Variants in TMC1 observed in about 807,000 individuals in gnomAD.
TMC1 encodes transmembrane channel-like protein 1.
TMC1 carries 84 observed loss-of-function variants against 105.8 expected under a neutral mutation model. The observed-to-expected ratio is 0.79, with a 90% CI of 0.67 to 0.95. The LOEUF is 0.95. Ranked by LOEUF, TMC1 falls within the 40% of genes least tolerant of loss-of-function variation. TMC1 has a pLI of 0.00. For synonymous variants in TMC1, 315 were observed against 311.5 expected, an observed-to-expected ratio of 1.01 and a Z score of -0.12; for missense variants, 817 against 914.1, an observed-to-expected ratio of 0.89 and a Z score of 1.37.
At chr9:72,586,186 A>G (rs1339468141) in intron 2 of TMC1, among the ~76,000 whole-genome samples, 2 of 152,306 alleles carry the variant, frequency 1.3e-5, no homozygotes, top group East Asian at 3.9e-4. Flanking sequence ...AGGCCCACAC[A>G]GTAGGGCTTG....
chr9:72,579,538 C>T (rs1404602621), intron 2 of TMC1, among the ~76,000 whole-genome samples: 1 of 152,214 alleles, frequency 6.6e-6, no homozygotes, highest in Non-Finnish European at 1.5e-5. Context: ...AGCTTCTAGA[C>T]ACACAGCCCC....
At chr9:72,784,698 G>T (rs116988142) in intron 13 of TMC1, among the ~76,000 whole-genome samples, 2 of 152,210 alleles carry the variant, frequency 1.3e-5, no homozygotes, top group East Asian at 1.9e-4. Flanking sequence ...CTAGATGTCC[G>T]TCAACAGTGT....
chr9:72,584,789 T>G (rs1457528449), intron 2 of TMC1, among the ~76,000 whole-genome samples: 1 of 144,156 alleles, frequency 6.9e-6, no homozygotes, highest in Admixed American at 6.9e-5. Context: ...CTTTTCTTTT[T>G]TTTTTTTTTT....
intron 2 of TMC1, among the ~76,000 whole-genome samples, chr9:72,589,483 A>G (rs750476496): frequency 1.3e-5 from 2 of 152,204 alleles, no homozygotes; most frequent in Non-Finnish European, 2.9e-5. Flanking sequence ...TGATAGCTTA[A>G]GTTTCATCTC....
chr9:72,724,315 A>G (rs998211708), intron 8 of TMC1, among the ~76,000 whole-genome samples: 4 of 152,208 alleles, frequency 2.6e-5, no homozygotes, highest in African/African-American at 4.8e-5. Context: ...ATGGTGAGCA[A>G]GGACGAGAGA....
chr9:72,782,866 A>C (rs1828114890), intron 13 of TMC1, among the ~76,000 whole-genome samples: 1 of 152,200 alleles, frequency 6.6e-6, no homozygotes, highest in South Asian at 2.1e-4. Context: ...ATATTACCCA[A>C]AACACTTTAC....
At chr9:72,749,160 G>A (rs531389927) in intron 10 of TMC1, among the ~76,000 whole-genome samples, 4 of 152,164 alleles carry the variant, frequency 2.6e-5, no homozygotes, top group Non-Finnish European at 4.4e-5. Flanking sequence ...TACCCTACAC[G>A]CAAGAAATTC....
chr9:72,541,436 C>T (rs771729602), intron 1 of TMC1, among the ~76,000 whole-genome samples: 10 of 151,966 alleles, frequency 6.6e-5, no homozygotes, highest in Admixed American at 1.3e-4. Flanking sequence ...GCCTATAATC[C>T]GAGCACTTTG....
intron 13 of TMC1, among the ~76,000 whole-genome samples, chr9:72,783,152 A>G (rs1828119221): frequency 6.6e-6 from 1 of 152,012 alleles, no homozygotes; most frequent in South Asian, 2.1e-4. Context: ...AACTAATAGG[A>G]GATATATATA....
intron 5 of TMC1, among the ~76,000 whole-genome samples, chr9:72,682,090 C>G (rs1209581461): frequency 6.6e-6 from 1 of 152,086 alleles, no homozygotes; most frequent in South Asian, 2.1e-4. Context: ...CTATTATTCT[C>G]CTTGTAATTT....
intron 19 of TMC1, among the ~76,000 whole-genome samples, chr9:72,817,919 A>G (rs1350297623): frequency 6.6e-6 from 1 of 152,124 alleles, no homozygotes; most frequent in African/African-American, 2.4e-5. Context: ...GAGTTTTTTG[A>G]GCATACAAAG....
At chr9:72,647,712 A>G (rs962832283) in intron 4 of TMC1, among the ~76,000 whole-genome samples, 4 of 151,810 alleles carry the variant, frequency 2.6e-5, no homozygotes, top group Middle Eastern at 6.4e-3. Flanking sequence ...GAAGGGTCAT[A>G]TATGTGCACA....
chr9:72,767,281 G>A (rs557668771), intron 12 of TMC1, among the ~76,000 whole-genome samples: 4 of 152,162 alleles, frequency 2.6e-5, no homozygotes, highest in African/African-American at 7.2e-5. Context: ...CAAAATAATG[G>A]TCTGGCAGCT....
chr9:72,586,142 T>C (rs187491496), intron 2 of TMC1, among the ~76,000 whole-genome samples: 11 of 152,268 alleles, frequency 7.2e-5, no homozygotes, highest in Non-Finnish European at 1.5e-4. Flanking sequence ...TGGTTCTAAT[T>C]AGTGCTTAAT....
At chr9:72,722,434 C>T (rs574399180) in intron 8 of TMC1, among the ~76,000 whole-genome samples, 17 of 152,222 alleles carry the variant, frequency 1.1e-4, no homozygotes, top group African/African-American at 3.4e-4. Flanking sequence ...CTTTATCTCC[C>T]GTTTGAGCCT....
At chr9:72,754,700 G>A (rs1018543773) in intron 11 of TMC1, 86 bp from the exon 12 acceptor site, 1 of 1,047,100 alleles carries the variant, frequency 9.6e-7, no homozygotes, top group Admixed American at 1.9e-5. Flanking sequence ...TTTCAGAAGG[G>A]CTTTTAAACA....
intron 6 of TMC1, among the ~76,000 whole-genome samples, chr9:72,689,644 T>C (rs1453514650): frequency 6.6e-6 from 1 of 152,158 alleles, no homozygotes; most frequent in African/African-American, 2.4e-5. Context: ...TATATACTTA[T>C]AATTGTGATA....
At chr9:72,754,196 A>C (rs933170238) in intron 11 of TMC1, among the ~76,000 whole-genome samples, 3 of 152,102 alleles carry the variant, frequency 2.0e-5, no homozygotes, top group African/African-American at 7.2e-5. Flanking sequence ...CACTCTTCCC[A>C]GTACTATTCT....
chr9:72,742,523 AAAGT>A lies in TMC1; in HGVS notation c.535+3_535+6del, dbSNP rs1202318653. The A allele has an allele frequency of 1.2e-6, 2 of 1,613,286 alleles. No homozygotes were observed. Among genetic ancestry groups the A allele is most frequent in the African/African-American group, 2.7e-5 (2 of 74,932 alleles). ...TGGGAAAATAAAATCAAGGCTATTG[AAAGT>A]AAGTCCTTATCAGATCTCAGGTGGA... On this transcript the variant is annotated splice_donor_variant and coding_sequence_variant, in exon 10 of 24. Coordinates refer to ENST00000297784, the MANE Select transcript of TMC1 (RefSeq NM_138691.3). LOFTEE classifies it high-confidence loss of function.
Sources: gnomAD v4.1 joint callset for allele counts (sites outside exome capture counted in the v4.1 genomes callset) on GRCh38, gnomAD v4.1.1 for gene constraint, MANE v1.5 for transcripts, NCBI Gene and HGNC (gene_info 2026-07-23, HGNC 2026-07-21) for gene names.